Variants in OOSP1 observed in about 807,000 individuals in gnomAD.
OOSP1 encodes the protein putative oocyte-secreted protein 1 homolog.
Under a neutral mutation model 5.7 loss-of-function variants are expected in OOSP1, and 11 were observed. That is an observed-to-expected ratio of 1.94 (90% CI 1.22 to 3.20). The LOEUF (loss-of-function observed/expected upper bound fraction) is 3.20. Ranked by LOEUF, OOSP1 falls within the 30% of genes most tolerant of loss-of-function variation. The probability of loss-of-function intolerance (pLI) is 0.00; values close to 1 mark genes in which losing one functional copy is unlikely to be tolerated. For missense variants in OOSP1, 83 were observed against 54.1 expected (o/e 1.53, Z -1.67); for synonymous variants, 44 against 20.0 (o/e 2.20, Z -3.20).
rs1854001401 is a variant in OOSP1, at chr11:59,957,191, TCAG to T, written c.487-3_487-1del. ...TCTACTTAAAATTTATTTTGTACCC[TCAG>T]GTTTTAAAAGTGAAGGTTATTTTTA... On this transcript the variant is annotated splice_acceptor_variant and splice_polypyrimidine_tract_variant and intron_variant, in intron 4 of 4. Transcript: ENST00000646685. LOFTEE classifies it high-confidence loss of function. The T allele has an allele frequency of 5.0e-6, 2 of 397,880 alleles. No homozygotes were observed. The highest frequency in any genetic ancestry group is 7.1e-5 in the East Asian group (2 of 27,998). 24.6% of individuals were successfully genotyped at this position (397,880 alleles called of 1,614,324 possible).
At chr11:59,942,415 T>A (rs1419056503) in intron 1 of OOSP1, among the ~76,000 whole-genome samples, 1 of 152,118 alleles carries the variant, frequency 6.6e-6, no homozygotes, top group Admixed American at 6.6e-5. Context: ...CATGAAACTG[T>A]GGGTATAAAA....
chr11:59,943,241 G>A (rs1049729696), intron 2 of OOSP1, among the ~76,000 whole-genome samples: 47 of 151,244 alleles, frequency 3.1e-4, no homozygotes, highest in African/African-American at 1.1e-3. Flanking sequence ...ATAGCATTAG[G>A]AGATATAACT....
At chr11:59,938,957 T>C (rs1590889419) in intron 1 of OOSP1, among the ~76,000 whole-genome samples, 2 of 152,248 alleles carry the variant, frequency 1.3e-5, no homozygotes, top group Admixed American at 1.3e-4. Flanking sequence ...TCATAGATCC[T>C]TTTCATTTCA....
intron 4 of OOSP1, among the ~76,000 whole-genome samples, chr11:59,953,244 T>C (rs757187564): frequency 1.3e-5 from 2 of 152,094 alleles, no homozygotes; most frequent in Non-Finnish European, 2.9e-5. Flanking sequence ...TACAAAGGAC[T>C]TTTGCTAGAG....
At chr11:59,946,878 T>TCATA (rs1853888895) in intron 3 of OOSP1, among the ~76,000 whole-genome samples, 1 of 151,786 alleles carries the variant, frequency 6.6e-6, no homozygotes, top group Non-Finnish European at 1.5e-5. Flanking sequence ...AGTGCTTATT[T>TCATA]CATATTATAT....
exon 5 of OOSP1, chr11:59,957,407 C>G: frequency 2.6e-6 from 1 of 388,426 alleles, no homozygotes. Context: ...ATACTGGTTT[C>G]TGTTTTAAAA....
intron 1 of OOSP1, among the ~76,000 whole-genome samples, chr11:59,942,201 A>T (rs1853835458): frequency 6.6e-6 from 1 of 152,202 alleles, no homozygotes; most frequent in Non-Finnish European, 1.5e-5. Flanking sequence ...ACCCAGTCTC[A>T]TAATTTCTAG....
At chr11:59,952,229 A>G (rs1853947087) in intron 4 of OOSP1, among the ~76,000 whole-genome samples, 2 of 152,160 alleles carry the variant, frequency 1.3e-5, no homozygotes, top group Admixed American at 6.6e-5. Flanking sequence ...TATTTCTTCA[A>G]TATGGAGATT....
chr11:59,945,267 G>A lies in OOSP1; in HGVS notation c.356+1G>A. 1.4e-6 allele frequency: 1 copy of A among 702,966 alleles called. No homozygotes were observed. The highest frequency in any genetic ancestry group is 2.6e-6 in the Non-Finnish European group (1 of 384,966). 43.5% of individuals were successfully genotyped at this position (702,966 alleles called of 1,614,324 possible). On this transcript the variant is annotated splice_donor_variant, in intron 3 of 4. Coordinates refer to ENST00000646685, the Ensembl canonical transcript of OOSP1. LOFTEE classifies it high-confidence loss of function. ...TGCCTCTGTCGTGTGTCGTCCACAA[G>A]TGAGTATGGAATGCCAAACCCCTGT...
intron 4 of OOSP1, among the ~76,000 whole-genome samples, chr11:59,953,978 T>A (rs542772539): frequency 6.6e-6 from 1 of 152,194 alleles, no homozygotes; most frequent in South Asian, 2.1e-4. Context: ...CTTCATAGAG[T>A]GTACTTACAC....
intron 1 of OOSP1, among the ~76,000 whole-genome samples, chr11:59,942,255 AT>A (rs1426368553): frequency 1.3e-5 from 2 of 152,194 alleles, no homozygotes; most frequent in Non-Finnish European, 2.9e-5. Flanking sequence ...CAAGCAGCAG[AT>A]TGTATCAGAA....
At chr11:59,956,045 A>C (rs1853991383) in intron 4 of OOSP1, among the ~76,000 whole-genome samples, 1 of 152,164 alleles carries the variant, frequency 6.6e-6, no homozygotes. Context: ...ATGACATGTG[A>C]TTAATGGACT....
chr11:59,951,516 G>T (rs1423608667), intron 4 of OOSP1, among the ~76,000 whole-genome samples: 1 of 152,020 alleles, frequency 6.6e-6, no homozygotes, highest in African/African-American at 2.4e-5. Flanking sequence ...TTTGTGGTCT[G>T]CATCCTGAGA....
At chr11:59,946,925 ATC>A (rs1364409133) in intron 3 of OOSP1, among the ~76,000 whole-genome samples, 8 of 137,564 alleles carry the variant, frequency 5.8e-5, no homozygotes, top group African/African-American at 2.1e-4. Context: ...ATATCTATCT[ATC>A]TATCTATCTA....
At chr11:59,956,752 T>C (rs911025918) in intron 4 of OOSP1, among the ~76,000 whole-genome samples, 23 of 152,264 alleles carry the variant, frequency 1.5e-4, no homozygotes, top group Admixed American at 1.5e-3. Flanking sequence ...ATCTTTCTTA[T>C]GCCTTTGCGT....
chr11:59,945,384 A>G (rs1013229418), intron 3 of OOSP1, 118 bp downstream of exon 3: 30 of 697,564 alleles, frequency 4.3e-5, no homozygotes, highest in Non-Finnish European at 7.3e-5. Flanking sequence ...GGGAGACACC[A>G]AACCCTAATG....
intron 4 of OOSP1, 134 bp from the exon 5 acceptor site, chr11:59,957,061 A>G: frequency 5.2e-6 from 2 of 386,752 alleles, no homozygotes; most frequent in Non-Finnish European, 4.6e-6. Flanking sequence ...TAATTTTAAA[A>G]ACAAATATGC....
chr11:59,956,770 G>A lies in OOSP1; in HGVS notation c.487-425G>A, dbSNP rs374469145. On this transcript the variant is annotated intron_variant, in intron 4 of 4. Transcript: ENST00000646685. ...TTTCTTATGCCTTTGCGTCCTCATAGCTCAGTTCCCACATATAAGTGAGAA... is the reference window on the plus strand; with the variant it reads ...TTTCTTATGCCTTTGCGTCCTCATAACTCAGTTCCCACATATAAGTGAGAA... Among the ~76,000 whole-genome samples, 32 of 152,138 alleles carry A rather than the reference G, an allele frequency of 2.1e-4. 1 individual carries two copies. In the South Asian group the frequency reaches 5.4e-3, roughly 26 times the overall value.
chr11:59,941,185 GT>G (rs991686424), intron 1 of OOSP1, among the ~76,000 whole-genome samples: 1 of 151,602 alleles, frequency 6.6e-6, no homozygotes, highest in Non-Finnish European at 1.5e-5. Flanking sequence ...TGGAATTGGC[GT>G]TTTTTTTCAC....
Sources: gnomAD v4.1 joint callset for allele counts (sites outside exome capture counted in the v4.1 genomes callset) on GRCh38, gnomAD v4.1.1 for gene constraint, MANE v1.5 for transcripts, NCBI Gene and HGNC (gene_info 2026-07-23, HGNC 2026-07-21) for gene names.